The following CDH12 variants were observed in gnomAD, a reference collection of about 807,000 sequenced individuals.
The protein encoded by CDH12 is cadherin-12.
Under a neutral mutation model 74.1 loss-of-function variants are expected in CDH12, and 41 were observed. The ratio of observed to expected loss-of-function variants is 0.55; its 90% CI spans 0.43 to 0.72. The LOEUF (loss-of-function observed/expected upper bound fraction) is 0.72, where lower values mean the gene tolerates loss of function less well. Ranked by LOEUF, CDH12 falls within the 30% of genes least tolerant of loss-of-function variation. CDH12 has a pLI of 0.00. For missense variants in CDH12, 945 were observed against 977.2 expected, an observed-to-expected ratio of 0.97 and a Z score of 0.44; for synonymous variants, 399 against 355.0, an observed-to-expected ratio of 1.12 and a Z score of -1.39.
chr5:22,247,273 C>A (rs1752979393), intron 3 of CDH12, among the ~76,000 whole-genome samples: 1 of 150,734 alleles, frequency 6.6e-6, no homozygotes, highest in African/African-American at 2.4e-5. Context: ...CCCTTCTCTT[C>A]TCATGCAATC....
At chr5:22,815,967 T>C (rs2126461628) in intron 1 of CDH12, among the ~76,000 whole-genome samples, 1 of 152,036 alleles carries the variant, frequency 6.6e-6, no homozygotes, top group Non-Finnish European at 1.5e-5. Flanking sequence ...TTGTGAAATG[T>C]GTTAAAAGAC....
intron 3 of CDH12, among the ~76,000 whole-genome samples, chr5:22,239,787 G>C (rs1226147891): frequency 6.6e-6 from 1 of 152,154 alleles, no homozygotes; most frequent in African/African-American, 2.4e-5. Flanking sequence ...ATTAGAGGGT[G>C]TTGAGCTAGT....
Position 21,802,391 on chromosome 5 carries a change from G to A in CDH12, c.1032C>T (p.Tyr344=). The part of the protein sequence containing the change: ...KPLDFETKKA[Y]TFKVEASNLH... ...GGTTGGAAGCCTCAACTTTGAAAGTGTATGCCTTCTTTGTTTCAAAATCTA... is the reference window on the plus strand; with the variant it reads ...GGTTGGAAGCCTCAACTTTGAAAGTATATGCCTTCTTTGTTTCAAAATCTA... Residue 344 remains tyrosine, a synonymous_variant, in exon 10 of 15, where the codon TAC becomes TAT. Transcript: ENST00000382254. The A allele has an allele frequency of 1.9e-6, 3 of 1,613,622 alleles. No homozygotes were observed. In the South Asian group the frequency reaches 3.3e-5, roughly 18 times the overall value.
At chr5:22,104,601 G>A (rs773859054) in intron 4 of CDH12, among the ~76,000 whole-genome samples, 3 of 152,078 alleles carry the variant, frequency 2.0e-5, no homozygotes, top group African/African-American at 4.8e-5. Flanking sequence ...GTTCAGGAAC[G>A]TGTGCATTAG....
intron 5 of CDH12, among the ~76,000 whole-genome samples, chr5:22,058,464 T>A (rs1365532744): frequency 6.6e-6 from 1 of 152,126 alleles, no homozygotes; most frequent in Non-Finnish European, 1.5e-5. Context: ...CCAGCAGTAA[T>A]TCCTTGACAT....
chr5:22,158,644 G>C (rs1373489761), intron 4 of CDH12, among the ~76,000 whole-genome samples: 4 of 152,000 alleles, frequency 2.6e-5, no homozygotes, highest in African/African-American at 9.7e-5. Flanking sequence ...ACTATACTTG[G>C]TGGCTTGCTT....
At chr5:21,919,218 T>C (rs1754242457) in intron 6 of CDH12, among the ~76,000 whole-genome samples, 1 of 152,210 alleles carries the variant, frequency 6.6e-6, no homozygotes, top group South Asian at 2.1e-4. Flanking sequence ...GGCTTTCATT[T>C]ACAAAATAAC....
intron 7 of CDH12, among the ~76,000 whole-genome samples, chr5:21,850,948 G>T (rs889138762): frequency 6.6e-6 from 1 of 151,188 alleles, no homozygotes; most frequent in Non-Finnish European, 1.5e-5. Flanking sequence ...AAATGTTTTG[G>T]CTAGATGGTG....
At chr5:22,413,263 A>T (rs769554215) in intron 2 of CDH12, among the ~76,000 whole-genome samples, 1 of 151,986 alleles carries the variant, frequency 6.6e-6, no homozygotes, top group African/African-American at 2.4e-5. Flanking sequence ...GTATGGCATG[A>T]AAAGTCCAAA....
At chr5:22,061,320 T>C (rs2150206271) in intron 5 of CDH12, among the ~76,000 whole-genome samples, 1 of 152,250 alleles carries the variant, frequency 6.6e-6, no homozygotes, top group African/African-American at 2.4e-5. Flanking sequence ...CAATGAAACA[T>C]ATATAGTTAG....
chr5:22,816,506 A>G (rs1290497315), intron 1 of CDH12, among the ~76,000 whole-genome samples: 4 of 152,196 alleles, frequency 2.6e-5, no homozygotes, highest in Non-Finnish European at 5.9e-5. Flanking sequence ...TCAATTTTTC[A>G]GTCTTGACAT....
chr5:22,681,073 A>C (rs1741459629), intron 1 of CDH12, among the ~76,000 whole-genome samples: 2 of 152,082 alleles, frequency 1.3e-5, no homozygotes, highest in Admixed American at 1.3e-4. Context: ...AAGTCTACTA[A>C]TTTTAATTAA....
intron 6 of CDH12, among the ~76,000 whole-genome samples, chr5:21,884,879 T>G (rs576938288): frequency 6.6e-6 from 1 of 152,296 alleles, no homozygotes; most frequent in East Asian, 1.9e-4. Context: ...AAGGCCCTGT[T>G]TTTTGCTTGT....
At chr5:22,533,267 C>T (rs768209634) in intron 1 of CDH12, among the ~76,000 whole-genome samples, 34 of 152,130 alleles carry the variant, frequency 2.2e-4, no homozygotes, top group Non-Finnish European at 1.6e-4. Context: ...GAGCCCCTGC[C>T]TAATAAATAG....
chr5:22,632,267 A>T (rs561027341), intron 1 of CDH12, among the ~76,000 whole-genome samples: 1 of 152,212 alleles, frequency 6.6e-6, no homozygotes, highest in Non-Finnish European at 1.5e-5. Context: ...AGCCTGCAGA[A>T]CAATGAGACA....
intron 6 of CDH12, among the ~76,000 whole-genome samples, chr5:21,951,113 A>C (rs976736668): frequency 1.6e-4 from 24 of 152,020 alleles, no homozygotes; most frequent in Admixed American, 7.2e-4. Context: ...AAAAAGTAAA[A>C]AAAGTCAAAT....
At chr5:22,724,239 T>A (rs1049663006) in intron 1 of CDH12, among the ~76,000 whole-genome samples, 6 of 143,438 alleles carry the variant, frequency 4.2e-5, no homozygotes, top group Non-Finnish European at 6.3e-5. Flanking sequence ...ATTTTTAAAA[T>A]TTTTTAATTT....
intron 6 of CDH12, among the ~76,000 whole-genome samples, chr5:21,903,286 C>T (rs1753483222): frequency 6.6e-6 from 1 of 152,060 alleles, no homozygotes; most frequent in South Asian, 2.1e-4. Flanking sequence ...ATTTGTGCTG[C>T]AGATGCTTTA....
At chr5:22,652,672 T>G (rs1739803801) in intron 1 of CDH12, among the ~76,000 whole-genome samples, 1 of 152,294 alleles carries the variant, frequency 6.6e-6, no homozygotes, top group Non-Finnish European at 1.5e-5. Context: ...TATAGACTTT[T>G]ACAAGTACAA....
Sources: allele counts gnomAD v4.1 joint callset (sites outside exome capture counted in the v4.1 genomes callset), GRCh38; gene constraint gnomAD v4.1.1; transcripts MANE v1.5; gene names NCBI Gene and HGNC (gene_info 2026-07-23, HGNC 2026-07-21).